CERS6: variants seen among roughly 807,000 people sequenced by gnomAD.
CERS6 encodes ceramide synthase 6.
CERS6 carries 26 observed loss-of-function variants against 56.8 expected under a neutral mutation model. The observed-to-expected ratio is 0.46, with a 90% CI of 0.34 to 0.63. The LOEUF (loss-of-function observed/expected upper bound fraction) is 0.63, where lower values mean the gene tolerates loss of function less well. Ranked by LOEUF, CERS6 falls within the 30% of genes least tolerant of loss-of-function variation. CERS6 has a pLI of 0.01. For synonymous variants in CERS6, 164 were observed against 173.3 expected, an observed-to-expected ratio of 0.95 and a Z score of 0.42; for missense variants, 415 against 467.5, an observed-to-expected ratio of 0.89 and a Z score of 1.04.
At chr2:168,719,771 C>T (rs565800880) in intron 8 of CERS6, among the ~76,000 whole-genome samples, 1 of 152,100 alleles carries the variant, frequency 6.6e-6, no homozygotes, top group African/African-American at 2.4e-5. Context: ...GACTTCTCTT[C>T]CAGTCACAAT....
At chr2:168,627,128 A>C (rs1217301940) in intron 3 of CERS6, among the ~76,000 whole-genome samples, 3 of 152,172 alleles carry the variant, frequency 2.0e-5, no homozygotes, top group Non-Finnish European at 2.9e-5. Context: ...AGTCTTTTGA[A>C]ATTTTCCCGT....
intron 1 of CERS6, among the ~76,000 whole-genome samples, chr2:168,491,235 A>G (rs1372789279): frequency 6.6e-6 from 1 of 152,228 alleles, no homozygotes; most frequent in Admixed American, 6.5e-5. Context: ...ATGAGGAAGG[A>G]AAGAGGATTA....
intron 6 of CERS6, among the ~76,000 whole-genome samples, chr2:168,712,470 T>C (rs1373690438): frequency 1.3e-5 from 2 of 152,202 alleles, no homozygotes; most frequent in Non-Finnish European, 2.9e-5. Flanking sequence ...TTTTCCAGTA[T>C]GATAGATAAA....
At chr2:168,594,110 ACAT>A (rs1244912033) in intron 3 of CERS6, among the ~76,000 whole-genome samples, 3 of 152,234 alleles carry the variant, frequency 2.0e-5, no homozygotes, top group Non-Finnish European at 4.4e-5. Context: ...TATACAGATA[ACAT>A]CATGAATACT....
At chr2:168,478,226 T>C (rs1457917478) in intron 1 of CERS6, among the ~76,000 whole-genome samples, 1 of 152,168 alleles carries the variant, frequency 6.6e-6, no homozygotes, top group African/African-American at 2.4e-5. Context: ...TTCTGAGAGC[T>C]GAGCAGTGAG....
intron 1 of CERS6, among the ~76,000 whole-genome samples, chr2:168,547,047 T>G (rs552614311): frequency 6.6e-6 from 1 of 152,314 alleles, no homozygotes; most frequent in East Asian, 1.9e-4. Context: ...TCATTACTCT[T>G]TATGAGAAAC....
chr2:168,615,553 G>A (rs1253067720), intron 3 of CERS6, among the ~76,000 whole-genome samples: 1 of 152,112 alleles, frequency 6.6e-6, no homozygotes, highest in Non-Finnish European at 1.5e-5. Flanking sequence ...AATACTGGAT[G>A]CACGAAAGAA....
At position 168,561,099 on chromosome 2, in the gene CERS6, A is replaced by G. The variant is rs368464104; in HGVS notation, c.277-93A>G. 3,893 of 1,370,420 alleles carry G rather than the reference A, an allele frequency of 2.8e-3. 25 individuals are homozygous for G. The highest frequency in any genetic ancestry group is 0.017 in the South Asian group (1,264 of 75,322). The allele number at this position is 1,370,420 out of a possible 1,614,324, so 84.9% of individuals were successfully genotyped here. ...GTAGCAGATAGTAAACAATAGGGGG[A>G]AAAAAACCTCTCAGATATAGACAAG... On this transcript the variant is annotated intron_variant, in intron 2 of 9. Coordinates refer to ENST00000305747, the MANE Select transcript of CERS6 (RefSeq NM_203463.3).
intron 4 of CERS6, among the ~76,000 whole-genome samples, chr2:168,657,263 C>T (rs566647167): frequency 6.4e-4 from 97 of 152,268 alleles, no homozygotes; most frequent in Middle Eastern, 3.4e-3. Flanking sequence ...TTGATTGGTG[C>T]ACTCACAAAC....
intron 1 of CERS6, among the ~76,000 whole-genome samples, chr2:168,457,710 G>A: frequency 6.6e-6 from 1 of 152,100 alleles, no homozygotes; most frequent in East Asian, 1.9e-4. Flanking sequence ...CCTTGGTTTT[G>A]TTTCTTAAGC....
rs77693571 is a variant in CERS6 at position 168,595,337 on chromosome 2, T to C, written c.407+34015T>C. Among the ~76,000 whole-genome samples, 761 of 152,334 alleles carry C rather than the reference T, an allele frequency of 5.0e-3. 11 individuals carry two copies. Among genetic ancestry groups the C allele is most frequent in the African/African-American group, 0.018 (737 of 41,576 alleles). On this transcript the variant is annotated intron_variant, in intron 3 of 9. Transcript: ENST00000305747. ...TATTTTCAGTCTGAAGAAAGTATTA[T>C]TTATTGTTTAGTCTGAGCTTTTAGC...
At chr2:168,472,865 A>G (rs892984693) in intron 1 of CERS6, among the ~76,000 whole-genome samples, 2 of 152,176 alleles carry the variant, frequency 1.3e-5, no homozygotes, top group African/African-American at 4.8e-5. Context: ...ATTTGAGACA[A>G]TGGAAACAAA....
intron 3 of CERS6, among the ~76,000 whole-genome samples, chr2:168,630,436 G>A (rs1355553931): frequency 6.6e-6 from 1 of 151,994 alleles, no homozygotes; most frequent in Non-Finnish European, 1.5e-5. Context: ...TAGACCATAA[G>A]TTTGGCATGG....
At chr2:168,765,478 G>C in intron 8 of CERS6, 114 bp from the exon 9 acceptor site, 1 of 1,044,670 alleles carries the variant, frequency 9.6e-7, no homozygotes, top group Non-Finnish European at 1.4e-6. Context: ...CATCCTGCCA[G>C]AGAGGGGGTA....
At chr2:168,468,227 G>T (rs1048861613) in intron 1 of CERS6, among the ~76,000 whole-genome samples, 1 of 152,164 alleles carries the variant, frequency 6.6e-6, no homozygotes, top group Non-Finnish European at 1.5e-5. Flanking sequence ...CCCAAAGATG[G>T]TCTCCCTCTG....
chr2:168,728,458 C>T (rs1332064589), intron 8 of CERS6, among the ~76,000 whole-genome samples: 6 of 143,190 alleles, frequency 4.2e-5, no homozygotes, highest in Non-Finnish European at 6.0e-5. Context: ...GGCGCGATCT[C>T]GGCTCACTGC....
intron 8 of CERS6, among the ~76,000 whole-genome samples, chr2:168,757,647 C>T (rs1241328063): frequency 1.3e-5 from 2 of 152,108 alleles, no homozygotes; most frequent in Non-Finnish European, 2.9e-5. Context: ...TTTAGGAGGC[C>T]AAGGTGGGAG....
At chr2:168,632,202 G>A (rs1684763395) in intron 4 of CERS6, among the ~76,000 whole-genome samples, 1 of 151,868 alleles carries the variant, frequency 6.6e-6, no homozygotes, top group African/African-American at 2.4e-5. Flanking sequence ...GCATAACATG[G>A]GGAATTATTT....
chr2:168,552,019 T>TA (rs80058650), intron 2 of CERS6, among the ~76,000 whole-genome samples: 3,153 of 152,276 alleles, frequency 0.021, 118 homozygotes, highest in East Asian at 0.18. Context: ...ATGTCAGGTA[T>TA]AAAGCCAGGT....
Sources: gnomAD v4.1 joint callset for allele counts (sites outside exome capture counted in the v4.1 genomes callset) on GRCh38, gnomAD v4.1.1 for gene constraint, MANE v1.5 for transcripts, NCBI Gene and HGNC (gene_info 2026-07-23, HGNC 2026-07-21) for gene names.